The following PIK3C3 variants were observed in gnomAD, a reference collection of about 807,000 sequenced individuals.
The protein encoded by PIK3C3 is phosphatidylinositol 3-kinase catalytic subunit type 3, also known as PI3-kinase type 3.
In PIK3C3, 95 loss-of-function variants were observed where a neutral mutation model predicts 126.1. The observed-to-expected ratio is 0.75, with a 90% CI of 0.64 to 0.89. The LOEUF is 0.89. Among genes scored for constraint, PIK3C3 ranks in the 40% least tolerant of loss-of-function variants. PIK3C3 has a pLI of 0.00. For synonymous variants in PIK3C3, 374 were observed against 360.0 expected (o/e 1.04, Z -0.44); for missense variants, 829 against 1,063.2 (o/e 0.78, Z 3.06).
intron 13 of PIK3C3, among the ~76,000 whole-genome samples, chr18:42,025,027 T>A (rs1252649006): frequency 6.6e-6 from 1 of 151,772 alleles, no homozygotes; most frequent in East Asian, 2.0e-4. Context: ...TTAGCCAGGA[T>A]GGTCTCGATC....
intron 10 of PIK3C3, among the ~76,000 whole-genome samples, chr18:42,011,875 G>A (rs903899592): frequency 2.8e-4 from 43 of 152,110 alleles, no homozygotes; most frequent in African/African-American, 9.4e-4. Context: ...TCTTGGAATA[G>A]GGAAGCCCTA....
intron 2 of PIK3C3, among the ~76,000 whole-genome samples, chr18:41,959,904 A>G (rs9807279): frequency 0.22 from 34,041 of 152,160 alleles, 4,292 homozygotes; most frequent in South Asian, 0.4. Flanking sequence ...CAAAACAAAA[A>G]TTGCCATCCT....
intron 10 of PIK3C3, among the ~76,000 whole-genome samples, chr18:42,011,943 CATTA>C (rs1170216948): frequency 6.6e-6 from 1 of 152,114 alleles, no homozygotes; most frequent in Non-Finnish European, 1.5e-5. Context: ...ACACATTCAA[CATTA>C]ATTGATTAAG....
intron 4 of PIK3C3, among the ~76,000 whole-genome samples, chr18:41,973,206 T>C: frequency 6.6e-6 from 1 of 152,064 alleles, no homozygotes; most frequent in East Asian, 1.9e-4. Flanking sequence ...TTGCAGGTCA[T>C]TCCTTTTTTT....
At chr18:42,078,636 A>C (rs1180922419) in intron 24 of PIK3C3, among the ~76,000 whole-genome samples, 2 of 152,262 alleles carry the variant, frequency 1.3e-5, no homozygotes, top group East Asian at 1.9e-4. Context: ...GTAGCGTGAA[A>C]GTCCTATGTG....
intron 4 of PIK3C3, among the ~76,000 whole-genome samples, chr18:41,977,565 G>A (rs1241926285): frequency 6.6e-6 from 1 of 151,296 alleles, no homozygotes; most frequent in East Asian, 2.0e-4. Flanking sequence ...GTGCAATCTC[G>A]GCTCACTGCA....
At chr18:42,060,199 A>G (rs1985253766) in intron 22 of PIK3C3, among the ~76,000 whole-genome samples, 1 of 152,218 alleles carries the variant, frequency 6.6e-6, no homozygotes, top group Non-Finnish European at 1.5e-5. Flanking sequence ...TTATTAAGCT[A>G]TTAGATATGA....
At chr18:42,054,148 A>C (rs143158754) in intron 21 of PIK3C3, among the ~76,000 whole-genome samples, 550 of 19,196 alleles carry the variant, frequency 0.029, 28 homozygotes, top group African/African-American at 0.032. Context: ...ATATATATAT[A>C]TATATATATA....
intron 5 of PIK3C3, among the ~76,000 whole-genome samples, chr18:41,989,001 T>C (rs1273276441): frequency 1.1e-4 from 17 of 152,128 alleles, no homozygotes; most frequent in Non-Finnish European, 2.5e-4. Flanking sequence ...ACCACCGCAT[T>C]ACTATTACAA....
rs11662150 is a variant in PIK3C3 at position 42,045,079 on chromosome 18, T to G, written c.2188+1262T>G. Among the ~76,000 whole-genome samples the G allele has an allele frequency of 2.3e-3, 351 of 152,338 alleles. 2 individuals are homozygous for G. Among genetic ancestry groups the G allele is most frequent in the Non-Finnish European group, 4.0e-3 (270 of 68,024 alleles). ...TTATTCGTGATGATACATTTTTGTC[T>G]GAAAAGCAGAAAGAAAATGAACTTT... On this transcript the variant is annotated intron_variant, in intron 20 of 24. Transcript: ENST00000262039.
intron 22 of PIK3C3, among the ~76,000 whole-genome samples, chr18:42,063,132 A>T (rs1985390462): frequency 6.8e-6 from 1 of 147,630 alleles, no homozygotes; most frequent in East Asian, 2.0e-4. Context: ...TTTCAAATAC[A>T]ACTATACCGC....
In PIK3C3 at chr18:41,987,833, G is replaced by C. The variant is rs200762676; in HGVS notation, c.553G>C (p.Gly185Arg). 1 of 1,607,600 alleles carries C rather than the reference G, an allele frequency of 6.2e-7. No homozygotes were observed. Among genetic ancestry groups the C allele is most frequent in the Non-Finnish European group, 8.5e-7 (1 of 1,176,406 alleles). ...LAKLTKAHRQ[G>R]HMVKVDWLDR... is the part of the protein sequence containing the mutation. The stretch of plus-strand genomic sequence containing the variant: ...GCAGCTCACCAAAGCTCATCGACAA[G>C]GACACATGGTGAAAGTAGATTGGCT... Residue 185 changes from glycine (G) to arginine (R), a missense_variant, in exon 5 of 25, where the codon GGA (glycine) becomes CGA (arginine). Physicochemically the swap from Gly to Arg is moderately radical, Grantham distance 125. Around this residue, in one of 4 missense-constraint regions of PIK3C3, gnomAD observed 313 missense variants for 340.7 expected, o/e 0.92. Coordinates refer to ENST00000262039, the MANE Select transcript of PIK3C3 (RefSeq NM_002647.4).
chr18:42,060,556 A>G (rs562352654), intron 22 of PIK3C3, among the ~76,000 whole-genome samples: 158 of 152,148 alleles, frequency 1.0e-3, no homozygotes, highest in Non-Finnish European at 2.0e-3. Context: ...GGATCACTTG[A>G]GGCCAGGAGT....
At chr18:41,993,479 G>C in intron 7 of PIK3C3, 138 bp downstream of exon 7, 1 of 603,646 alleles carries the variant, frequency 1.7e-6, no homozygotes, top group Non-Finnish European at 3.0e-6. Context: ...ATTCACTTTA[G>C]CATCTAGGCA....
In PIK3C3 at chr18:42,015,543, G is replaced by A; in HGVS notation, c.1393G>A (p.Val465Ile). 1.2e-6 allele frequency: 2 copies of A among 1,613,604 alleles called. No individual in the cohort carries two copies. The highest frequency in any genetic ancestry group is 2.2e-5 in the East Asian group (1 of 44,854). ...SPPPASKTKE[V>I]PDGENLEQDL... ...TCCTCCTGCATCAAAAACAAAAGAA[G>A]TTCCAGATGGCGAAAATCTGGAAGT... The change falls in exon 12 of 25, where the codon GTT becomes ATT. Residue 465 changes from valine (V) to isoleucine (I), a missense_variant. Coordinates refer to ENST00000262039, the MANE Select transcript of PIK3C3 (RefSeq NM_002647.4).
Position 42,082,802 on chromosome 18 carries a change from A to G in PIK3C3, c.*1665A>G, listed in dbSNP as rs938873534. The G allele has an allele frequency of 2.0e-5, 3 of 152,212 alleles. No homozygotes were observed. The highest frequency in any genetic ancestry group is 1.9e-4 in the East Asian group (1 of 5,202). 9.4% of individuals were successfully genotyped at this position (152,212 alleles called of 1,614,324 possible). A position where few individuals can be genotyped will look rare whatever the true frequency, so the allele number is the denominator to read the frequency against. On this transcript the variant is annotated 3_prime_UTR_variant, in exon 25 of 25. Coordinates refer to ENST00000262039, the MANE Select transcript of PIK3C3 (RefSeq NM_002647.4). Reference sequence around the variant, plus strand: ...GGGGCATATGATCCCAATAGCATCAACTTAACTCTGCTAACTGGAAGGCAA... The same window carrying G: ...GGGGCATATGATCCCAATAGCATCAGCTTAACTCTGCTAACTGGAAGGCAA...
At chr18:42,059,826 GGC>G (rs1985238090) in intron 22 of PIK3C3, 1 of 149,988 alleles carries the variant, frequency 6.7e-6, no homozygotes, top group African/African-American at 2.5e-5. Flanking sequence ...GGAGTGCAGT[GGC>G]ATGACCATGG....
At chr18:42,050,948 C>T (rs767153769) in intron 21 of PIK3C3, 2 of 152,246 alleles carry the variant, frequency 1.3e-5, no homozygotes, top group Admixed American at 6.5e-5. Flanking sequence ...GAAGCCCTTT[C>T]TAACTCCTTG....
At chr18:42,074,859 G>T (rs535599691) in intron 24 of PIK3C3, among the ~76,000 whole-genome samples, 1 of 151,872 alleles carries the variant, frequency 6.6e-6, no homozygotes, top group Non-Finnish European at 1.5e-5. Flanking sequence ...TCCCTCATAC[G>T]TGCCAGACTA....
Sources: gnomAD v4.1 joint callset for allele counts (sites outside exome capture counted in the v4.1 genomes callset) on GRCh38, gnomAD v4.1.1 for gene constraint, gnomAD v4.1.1 regional missense constraint, MANE v1.5 for transcripts, NCBI Gene and HGNC (gene_info 2026-07-23, HGNC 2026-07-21) for gene names.